The following ZFPM2 variants were observed in gnomAD, a reference collection of about 807,000 sequenced individuals.
ZFPM2 encodes zinc finger protein, FOG family member 2.
A neutral mutation model predicts 98.6 loss-of-function variants in ZFPM2; 20 were observed. The observed-to-expected ratio is 0.20, with a 90% CI of 0.14 to 0.29. The LOEUF (loss-of-function observed/expected upper bound fraction) is 0.29. Ranked by LOEUF, ZFPM2 falls within the 10% of genes least tolerant of loss-of-function variation. The probability of loss-of-function intolerance (pLI) is 1.00; values close to 1 mark genes in which losing one functional copy is unlikely to be tolerated. For missense variants in ZFPM2, 1,310 were observed against 1,388.6 expected (o/e 0.94, Z 0.90); for synonymous variants, 518 against 502.7 (o/e 1.03, Z -0.41).
At position 105,415,973 on chromosome 8, in the gene ZFPM2, C is replaced by T. The variant is rs1211960830; in HGVS notation, c.41-3171C>T. 1.4e-4 allele frequency among the ~76,000 whole-genome samples: 21 copies of T among 151,942 alleles called. 1 individual carries two copies. The highest frequency in any genetic ancestry group is 1.4e-3 in the Admixed American group (21 of 15,232). On this transcript the variant is annotated intron_variant, in intron 1 of 7. Transcript: ENST00000407775. ...TTGAACAAATGAGCTTAGTATTGTT[C>T]ACCTTTTATTTGAATTTTGATAATT...
chr8:105,747,475 G>A (rs772932161), intron 5 of ZFPM2, among the ~76,000 whole-genome samples: 7 of 151,998 alleles, frequency 4.6e-5, no homozygotes, highest in African/African-American at 9.7e-5. Context: ...ATGCAGTCTC[G>A]CCATTCAAAT....
intron 3 of ZFPM2, among the ~76,000 whole-genome samples, chr8:105,534,434 TCTTCCTTCCTCTCTTCCTTC>T (rs1814406398): frequency 7.0e-6 from 1 of 143,614 alleles, no homozygotes; most frequent in African/African-American, 2.6e-5. Flanking sequence ...TTCCTCCTTT[TCTTCCTTCCTCTCTTCCTTC>T]CTTCCTTCCT....
intron 5 of ZFPM2, among the ~76,000 whole-genome samples, chr8:105,759,586 GT>G (rs1412447910): frequency 1.1e-4 from 17 of 151,034 alleles, no homozygotes; most frequent in African/African-American, 4.1e-4. Context: ...ATCCTTGTGT[GT>G]GTGTGTGTGT....
At chr8:105,575,805 C>T (rs187695139) in intron 4 of ZFPM2, among the ~76,000 whole-genome samples, 7 of 152,250 alleles carry the variant, frequency 4.6e-5, no homozygotes, top group Admixed American at 3.3e-4. Flanking sequence ...ATTTTATATA[C>T]TGTGGGTTCC....
rs181293318 is a variant in ZFPM2, at chr8:105,611,705, T to C, written c.421-22541T>C. Among the ~76,000 whole-genome samples, 161 of 151,954 alleles carry C rather than the reference T, an allele frequency of 1.1e-3. 2 individuals carry two copies. The East Asian group carries it at 0.025, about 24-fold the overall frequency. On this transcript the variant is annotated intron_variant, in intron 4 of 7. Transcript: ENST00000407775. ...TAACAAATTAACAAAAAAAAATTTT[T>C]TTTTTTTTTTGAGATGGAGTTTTGC...
rs1359917701 is a variant in ZFPM2, at chr8:105,803,918, GCACTTGTGTAT to G, written c.*382_*392del. ...AAGCATTTTAGAAATAGCTTCAAAA[GCACTTGTGTAT>G]CTTGATTTTTTCTTATATGCTGTTG... is the stretch of plus-strand genomic sequence containing the variant. On this transcript the variant is annotated 3_prime_UTR_variant, in exon 8 of 8. Coordinates refer to ENST00000407775, the MANE Select transcript of ZFPM2 (RefSeq NM_012082.4). 1 of 166,594 alleles carries G rather than the reference GCACTTGTGTAT, an allele frequency of 6.0e-6. No homozygotes were observed. Among genetic ancestry groups the G allele is most frequent in the Non-Finnish European group, 1.3e-5 (1 of 76,180 alleles). The allele number at this position is 166,594 out of a possible 1,614,324, so 10.3% of individuals were successfully genotyped here.
chr8:105,767,115 A>G (rs1794948808), intron 5 of ZFPM2, among the ~76,000 whole-genome samples: 1 of 151,896 alleles, frequency 6.6e-6, no homozygotes, highest in African/African-American at 2.4e-5. Context: ...TTGTGGTTTT[A>G]AAACAGTGGA....
intron 1 of ZFPM2, among the ~76,000 whole-genome samples, chr8:105,408,299 T>C (rs1394446781): frequency 6.6e-6 from 1 of 151,902 alleles, no homozygotes; most frequent in Non-Finnish European, 1.5e-5. Flanking sequence ...TTTGAAGATA[T>C]GTTTTATAGG....
At chr8:105,750,089 T>G (rs903706078) in intron 5 of ZFPM2, among the ~76,000 whole-genome samples, 1 of 152,088 alleles carries the variant, frequency 6.6e-6, no homozygotes, top group African/African-American at 2.4e-5. Flanking sequence ...GAATACCTAC[T>G]ATGTGATGAG....
intron 3 of ZFPM2, among the ~76,000 whole-genome samples, chr8:105,463,847 C>G (rs530957614): frequency 6.6e-6 from 1 of 152,158 alleles, no homozygotes; most frequent in South Asian, 2.1e-4. Flanking sequence ...GCATTTACCT[C>G]TTAGCGTCTA....
At position 105,693,986 on chromosome 8, in the gene ZFPM2, T is replaced by TC. The variant is rs1490480420; in HGVS notation, c.532+59629_532+59630insC. On this transcript the variant is annotated intron_variant, in intron 5 of 7. Coordinates refer to ENST00000407775, the MANE Select transcript of ZFPM2 (RefSeq NM_012082.4). The stretch of plus-strand genomic sequence containing the variant: ...TCTTTTCTTTTTTTCTTTTCTTTTT[T>TC]TTTTTTTTTTTTTTTTGAGATGGAG... Among the ~76,000 whole-genome samples, 118 of 79,412 alleles carry TC rather than the reference T, an allele frequency of 1.5e-3. 1 individual carries two copies. The highest frequency in any genetic ancestry group is 4.3e-3 in the African/African-American group (115 of 26,474). 52.1% of individuals were successfully genotyped at this position (79,412 alleles called of 152,430 possible).
intron 5 of ZFPM2, among the ~76,000 whole-genome samples, chr8:105,739,604 T>G (rs1253281122): frequency 6.6e-6 from 1 of 151,992 alleles, no homozygotes; most frequent in Non-Finnish European, 1.5e-5. Context: ...TTGGATAAAT[T>G]TTTGCTTTTT....
At chr8:105,658,310 C>A (rs1323513277) in intron 5 of ZFPM2, among the ~76,000 whole-genome samples, 1 of 49,828 alleles carries the variant, frequency 2.0e-5, no homozygotes. Context: ...AGCAGACGGC[C>A]GGGCGCGGTG....
At chr8:105,384,074 G>T (rs910907304) in intron 1 of ZFPM2, among the ~76,000 whole-genome samples, 1 of 152,222 alleles carries the variant, frequency 6.6e-6, no homozygotes, top group South Asian at 2.1e-4. Context: ...ATATGTTGGA[G>T]AATATTAGAC....
chr8:105,580,565 A>T (rs1184124237), intron 4 of ZFPM2, among the ~76,000 whole-genome samples: 1 of 152,090 alleles, frequency 6.6e-6, no homozygotes, highest in East Asian at 1.9e-4. Flanking sequence ...ACAAGATACA[A>T]AGTGTAAAAT....
chr8:105,767,690 T>C (rs1200773915), intron 5 of ZFPM2, among the ~76,000 whole-genome samples: 2 of 151,688 alleles, frequency 1.3e-5, no homozygotes, highest in South Asian at 2.1e-4. Flanking sequence ...TGGGGAAAAA[T>C]AGACAATCAG....
rs561742210 is a variant in ZFPM2, at chr8:105,523,120, A to G, written c.302-38243A>G. ...ATGGGCTTAAAATTACCTGTCTTAC[A>G]TATTTTTTTTGAGATGATAAAATGA... On this transcript the variant is annotated intron_variant, in intron 3 of 7. Transcript: ENST00000407775. Among the ~76,000 whole-genome samples the G allele has an allele frequency of 3.9e-5, 6 of 152,322 alleles. No homozygotes were observed. In the South Asian group the frequency reaches 6.2e-4, roughly 16 times the overall value.
intron 3 of ZFPM2, among the ~76,000 whole-genome samples, chr8:105,547,986 G>GTT (rs139498098): frequency 1.3e-5 from 2 of 148,556 alleles, no homozygotes; most frequent in African/African-American, 4.9e-5. Context: ...TGAAGTTTTG[G>GTT]TTTTTTTTTT....
At chr8:105,722,646 G>A (rs1438512955) in intron 5 of ZFPM2, among the ~76,000 whole-genome samples, 1 of 151,850 alleles carries the variant, frequency 6.6e-6, no homozygotes, top group Non-Finnish European at 1.5e-5. Flanking sequence ...TATTCATTTA[G>A]TGGAAGTGGG....
Sources: allele counts gnomAD v4.1 joint callset (sites outside exome capture counted in the v4.1 genomes callset), GRCh38; gene constraint gnomAD v4.1.1; transcripts MANE v1.5; gene names NCBI Gene and HGNC (gene_info 2026-07-23, HGNC 2026-07-21).